Variants in CHST12 observed in about 807,000 individuals in gnomAD.
CHST12 encodes carbohydrate (chondroitin 4) sulfotransferase 12.
In CHST12, 23 loss-of-function variants were observed where a neutral mutation model predicts 27.9. That is an observed-to-expected ratio of 0.82 (90% CI 0.59 to 1.17). The LOEUF (loss-of-function observed/expected upper bound fraction) is 1.17. Ranked by LOEUF, CHST12 falls within the 50% of genes most tolerant of loss-of-function variation. The pLI, the probability that CHST12 is intolerant of heterozygous loss-of-function variation, is 0.00. For missense variants in CHST12, 682 were observed against 603.0 expected (o/e 1.13, Z -1.37); for synonymous variants, 322 against 273.0 (o/e 1.18, Z -1.77).
At chr7:2,412,262 C>A (rs1054774372) in intron 1 of CHST12, among the ~76,000 whole-genome samples, 1 of 152,144 alleles carries the variant, frequency 6.6e-6, no homozygotes, top group Non-Finnish European at 1.5e-5. Context: ...GGAGGTACCG[C>A]GTGAAAATGT....
intron 1 of CHST12, among the ~76,000 whole-genome samples, chr7:2,427,814 C>G (rs1464497512): frequency 1.3e-5 from 2 of 151,970 alleles, no homozygotes; most frequent in Admixed American, 6.6e-5. Context: ...GCCGTGACTC[C>G]TTTTTGTTTG....
intron 1 of CHST12, among the ~76,000 whole-genome samples, chr7:2,416,073 A>G (rs570827016): frequency 6.6e-6 from 1 of 152,322 alleles, no homozygotes; most frequent in South Asian, 2.1e-4. Context: ...CCACTGCATT[A>G]TCATGTAAGT....
At chr7:2,413,549 T>C (rs113552721) in intron 1 of CHST12, among the ~76,000 whole-genome samples, 55 of 152,098 alleles carry the variant, frequency 3.6e-4, no homozygotes, top group African/African-American at 1.3e-3. Context: ...TCTATGATTT[T>C]CATCACGATT....
rs1197777056 is a variant in CHST12, at chr7:2,447,444, ACT to A, written c.*13563_*13564del. Reference sequence around the variant, plus strand: ...AGGTACTTCTTGCTGTGGTCCCCACACTCTGACACCCTCTTCTGAAATGAACA... The same window carrying A: ...AGGTACTTCTTGCTGTGGTCCCCACACTGACACCCTCTTCTGAAATGAACA... On this transcript the variant is annotated 3_prime_UTR_variant, in exon 2 of 2. Coordinates refer to ENST00000618655, the MANE Select transcript of CHST12 (RefSeq NM_018641.5). 1 of 152,144 alleles carries A rather than the reference ACT, an allele frequency of 6.6e-6. No individual in the cohort carries two copies. Among genetic ancestry groups the A allele is most frequent in the East Asian group, 1.9e-4 (1 of 5,188 alleles). The allele number at this position is 152,144 out of a possible 1,614,324, so 9.4% of individuals were successfully genotyped here.
At chr7:2,417,446 G>A (rs1304794369) in intron 1 of CHST12, among the ~76,000 whole-genome samples, 1 of 146,432 alleles carries the variant, frequency 6.8e-6, no homozygotes, top group Non-Finnish European at 1.5e-5. Context: ...CTGGAGTACA[G>A]TGGTGTGATC....
chr7:2,411,545 G>T (rs1451216896), intron 1 of CHST12, among the ~76,000 whole-genome samples: 1 of 140,758 alleles, frequency 7.1e-6, no homozygotes, highest in East Asian at 2.1e-4. Context: ...CTGGAGTGCA[G>T]TGGGGCAATC....
In CHST12 at chr7:2,446,988, G is replaced by A. The variant is rs1782772569; in HGVS notation, c.*13104G>A. On this transcript the variant is annotated 3_prime_UTR_variant, in exon 2 of 2. Coordinates refer to ENST00000618655, the MANE Select transcript of CHST12 (RefSeq NM_018641.5). ...ATCCAGAAACACAGACTTTTTCTGGGGTCCTGGAGGCTTCTGGCCCATGGG... is the reference window on the plus strand; with the variant it reads ...ATCCAGAAACACAGACTTTTTCTGGAGTCCTGGAGGCTTCTGGCCCATGGG... 1 of 152,362 alleles carries A rather than the reference G, an allele frequency of 6.6e-6. No individual in the cohort carries two copies. The highest frequency in any genetic ancestry group is 1.9e-4 in the East Asian group (1 of 5,176). 9.4% of individuals were successfully genotyped at this position (152,362 alleles called of 1,614,324 possible). A position where few individuals can be genotyped will look rare whatever the true frequency, so the allele number is the denominator to read the frequency against.
intron 1 of CHST12, among the ~76,000 whole-genome samples, chr7:2,424,218 T>C (rs1471615097): frequency 2.0e-5 from 3 of 151,966 alleles, no homozygotes; most frequent in Non-Finnish European, 4.4e-5. Context: ...GAGCCAGGTA[T>C]GGTGGTGTGC....
intron 1 of CHST12, among the ~76,000 whole-genome samples, chr7:2,405,077 T>C (rs1283945349): frequency 6.6e-6 from 1 of 152,036 alleles, no homozygotes; most frequent in Admixed American, 6.6e-5. Flanking sequence ...GATGTGGAAG[T>C]GAAAGTGATG....
intron 1 of CHST12, among the ~76,000 whole-genome samples, chr7:2,416,881 C>A (rs1781822879): frequency 6.6e-6 from 1 of 152,098 alleles, no homozygotes; most frequent in Non-Finnish European, 1.5e-5. Context: ...TCACATACGC[C>A]TTCTCCGCAC....
rs1174041381 is a variant in CHST12 at position 2,433,965 on chromosome 7, A to G, written c.*81A>G. Reference sequence around the variant, plus strand: ...GTTTTTTTATGACCTACGATTTTGCAATCTGGGCTTCTTGTTCACTCCACT... The same window carrying G: ...GTTTTTTTATGACCTACGATTTTGCGATCTGGGCTTCTTGTTCACTCCACT... On this transcript the variant is annotated 3_prime_UTR_variant, in exon 2 of 2. Coordinates refer to ENST00000618655, the MANE Select transcript of CHST12 (RefSeq NM_018641.5). This position sits in a 1 kb window ranked among gnomAD's most constrained non-coding sequence, Gnocchi z 6.1. 2 of 1,244,506 alleles carry G rather than the reference A, an allele frequency of 1.6e-6. No homozygotes were observed. Among genetic ancestry groups the G allele is most frequent in the East Asian group, 4.7e-5 (2 of 42,610 alleles). 77.1% of individuals were successfully genotyped at this position (1,244,506 alleles called of 1,614,324 possible). A position where few individuals can be genotyped will look rare whatever the true frequency, so the allele number is the denominator to read the frequency against.
chr7:2,409,165 G>A (rs1267731529), intron 1 of CHST12, among the ~76,000 whole-genome samples: 3 of 152,194 alleles, frequency 2.0e-5, no homozygotes, highest in Non-Finnish European at 4.4e-5. Context: ...ACTGACTGCT[G>A]CTCTAATTGA....
chr7:2,406,344 G>A (rs982980224), intron 1 of CHST12, among the ~76,000 whole-genome samples: 6 of 148,932 alleles, frequency 4.0e-5, no homozygotes, highest in Admixed American at 3.4e-4. Context: ...AGAAGAATGG[G>A]AGACAGGTAC....
chr7:2,412,005 A>T (rs1393330245), intron 1 of CHST12, among the ~76,000 whole-genome samples: 1 of 152,194 alleles, frequency 6.6e-6, no homozygotes, highest in African/African-American at 2.4e-5. Flanking sequence ...GAGGGCTTAG[A>T]GACGGGAAGG....
At chr7:2,425,685 C>T (rs1030293363) in intron 1 of CHST12, among the ~76,000 whole-genome samples, 1 of 145,808 alleles carries the variant, frequency 6.9e-6, no homozygotes, top group African/African-American at 2.7e-5. Context: ...AATAGCACTG[C>T]ATTTGCTTTT....
intron 1 of CHST12, among the ~76,000 whole-genome samples, chr7:2,425,461 C>T (rs536044522): frequency 2.0e-5 from 3 of 152,126 alleles, no homozygotes; most frequent in Non-Finnish European, 4.4e-5. Context: ...TATGAGATGG[C>T]CCTGCTCAAA....
chr7:2,405,309 G>A (rs1216845856), intron 1 of CHST12, among the ~76,000 whole-genome samples: 3 of 152,148 alleles, frequency 2.0e-5, no homozygotes, highest in Non-Finnish European at 4.4e-5. Flanking sequence ...GCTGGGCGTG[G>A]TGGTGCACAC....
In CHST12 at chr7:2,413,767, C is replaced by T. The variant is rs368474854; in HGVS notation, c.-78+10094C>T. Among the ~76,000 whole-genome samples the T allele has an allele frequency of 2.0e-3, 259 of 131,550 alleles. 1 individual carries two copies. Among genetic ancestry groups the T allele is most frequent in the South Asian group, 0.01 (43 of 4,132 alleles). The allele number at this position is 131,550 out of a possible 152,430, so 86.3% of individuals were successfully genotyped here. ...TTTTTGAGACAGAGTCTCCCTCTGT[C>T]GCCCAGGCTGGAGTGCAGTGGCGTG... On this transcript the variant is annotated intron_variant, in intron 1 of 1. Transcript: ENST00000618655.
chr7:2,431,570 C>G (rs2115438135), intron 1 of CHST12, among the ~76,000 whole-genome samples: 1 of 152,326 alleles, frequency 6.6e-6, no homozygotes, highest in East Asian at 1.9e-4. Flanking sequence ...AGGCTTAGCT[C>G]CCTGCTGGAC....
Sources: gnomAD v4.1 joint callset for allele counts (sites outside exome capture counted in the v4.1 genomes callset) on GRCh38, gnomAD v4.1.1 for gene constraint, Gnocchi (gnomAD v3.1) non-coding constraint, MANE v1.5 for transcripts, NCBI Gene and HGNC (gene_info 2026-07-23, HGNC 2026-07-21) for gene names.